ADAP1: variants seen among roughly 807,000 people sequenced by gnomAD.
ADAP1 encodes ArfGAP with dual PH domains 1, also known as arf-GAP with dual PH domain-containing protein 1.
ADAP1 carries 31 observed loss-of-function variants against 54.9 expected under a neutral mutation model. The observed-to-expected ratio is 0.56, with a 90% confidence interval of 0.42 to 0.76. The LOEUF (loss-of-function observed/expected upper bound fraction) is 0.76. Ranked by LOEUF, ADAP1 falls within the 30% of genes least tolerant of loss-of-function variation. The pLI is 0.00. For missense variants in ADAP1, 535 were observed against 512.4 expected (o/e 1.04, Z -0.42); for synonymous variants, 313 against 202.6 (o/e 1.55, Z -4.63).
intron 7 of ADAP1, 90 bp from the exon 8 acceptor site, chr7:900,254 C>G: frequency 1.3e-6 from 2 of 1,513,436 alleles, no homozygotes; most frequent in Admixed American, 3.4e-5. Flanking sequence ...TCCCCTCACC[C>G]CGGGCCACCA....
At chr7:906,056 GGAGAAAGGGAGAAA>G (rs1202607667) in intron 4 of ADAP1, among the ~76,000 whole-genome samples, 2 of 22,640 alleles carry the variant, frequency 8.8e-5, no homozygotes, top group African/African-American at 4.0e-4. Context: ...AAAGGAGAAA[GGAGAAAGGGAGAAA>G]GGAGAAAGGG....
In ADAP1 at chr7:904,286, G is replaced by C. The variant is rs1240072042; in HGVS notation, c.502-14C>G. The C allele has an allele frequency of 1.3e-6, 2 of 1,565,570 alleles. No individual in the cohort carries two copies. The highest frequency in any genetic ancestry group is 1.4e-5 in the African/African-American group (1 of 73,188). On this transcript the variant is annotated splice_polypyrimidine_tract_variant and intron_variant, in intron 5 of 10. Coordinates refer to ENST00000265846, the MANE Select transcript of ADAP1 (RefSeq NM_006869.4). ...GGGCTCCTTGGCCTGAGAAGGGGTG[G>C]GGTCTAAGCACCTCACAGGGGCCGT...
At chr7:918,503 G>A (rs893931472) in intron 4 of ADAP1, among the ~76,000 whole-genome samples, 7 of 152,132 alleles carry the variant, frequency 4.6e-5, no homozygotes, top group Admixed American at 2.0e-4. Context: ...CACGGCTCCC[G>A]ACCTCGTGTT....
intron 4 of ADAP1, among the ~76,000 whole-genome samples, chr7:919,343 G>C (rs1384869749): frequency 6.6e-6 from 1 of 152,160 alleles, no homozygotes; most frequent in South Asian, 2.1e-4. Flanking sequence ...CAGCAGAGGA[G>C]GGGCCAGCCA....
chr7:910,528 C>T (rs1452964797), intron 4 of ADAP1, among the ~76,000 whole-genome samples: 6 of 152,192 alleles, frequency 3.9e-5, no homozygotes, highest in Admixed American at 2.0e-4. Context: ...GGGGTTGCAG[C>T]GTGAGCCCCA....
chr7:927,235 G>A (rs979211472), intron 2 of ADAP1: 4 of 1,265,412 alleles, frequency 3.2e-6, no homozygotes, highest in Non-Finnish European at 4.1e-6. Flanking sequence ...TGAAGGAGGG[G>A]AGGTGCTGCA....
intron 4 of ADAP1, among the ~76,000 whole-genome samples, chr7:914,898 G>T (rs928980919): frequency 6.6e-6 from 1 of 151,984 alleles, no homozygotes; most frequent in Non-Finnish European, 1.5e-5. Flanking sequence ...TAGAGGGGAG[G>T]CTTCAAGGAG....
rs183556518 is a variant in ADAP1 at position 926,027 on chromosome 7, T to C, written c.305+526A>G. The stretch of plus-strand genomic sequence containing the variant: ...CCACCGTCCGGGCAGATGGGGAGAC[T>C]GAGGCTTGGAGGGGCGGGTGTTGGT... On this transcript the variant is annotated intron_variant, in intron 3 of 10. Transcript: ENST00000265846. The surrounding 1 kb of genome is among the most constrained non-coding windows in gnomAD (Gnocchi z 4.6). Among the ~76,000 whole-genome samples the C allele has an allele frequency of 6.6e-6, 1 of 152,234 alleles. No homozygotes were observed. Among genetic ancestry groups the C allele is most frequent in the Non-Finnish European group, 1.5e-5 (1 of 67,998 alleles).
chr7:923,855 G>A (rs1280785692), intron 3 of ADAP1, among the ~76,000 whole-genome samples: 3 of 152,158 alleles, frequency 2.0e-5, no homozygotes, highest in Admixed American at 1.3e-4. Flanking sequence ...CAGGCTGCAC[G>A]GAGGCCGTGG....
chr7:907,253 A>T (rs895651255), intron 4 of ADAP1, among the ~76,000 whole-genome samples: 1 of 152,092 alleles, frequency 6.6e-6, no homozygotes, highest in African/African-American at 2.4e-5. Flanking sequence ...TCTATGGCAA[A>T]ACACACCGTG....
In ADAP1 at chr7:954,503, T is replaced by TGCCGGG. The variant is rs964712513; in HGVS notation, c.-32_-27dup. ...GGCCGCGATGCGCCCGCGATGCCGA[T>TGCCGGG]GCCGGGGCCGGGGCCGGGAGCGTCA... On this transcript the variant is annotated 5_prime_UTR_variant, in exon 1 of 11. Transcript: ENST00000265846. The TGCCGGG allele has an allele frequency of 8.9e-6, 9 of 1,013,218 alleles. No individual in the cohort carries two copies. In the South Asian group the frequency reaches 1.7e-4, roughly 19 times the overall value. The allele number at this position is 1,013,218 out of a possible 1,614,324, so 62.8% of individuals were successfully genotyped here.
chr7:914,602 C>T (rs76794118), intron 4 of ADAP1, among the ~76,000 whole-genome samples: 3,053 of 152,202 alleles, frequency 0.02, 82 homozygotes, highest in East Asian at 0.12. Flanking sequence ...TGAGGTCTAA[C>T]CCTGAGCACC....
intron 3 of ADAP1, among the ~76,000 whole-genome samples, chr7:925,201 C>T (rs1308615418): frequency 2.0e-5 from 3 of 151,934 alleles, no homozygotes; most frequent in Non-Finnish European, 4.4e-5. Context: ...CTGAGTCGCT[C>T]GTGGCCTGAA....
Position 906,713 on chromosome 7 carries a change from AC to A in ADAP1, c.389-1542del, listed in dbSNP as rs1562915385. ...GGGGGACATGGACATGGGGGACGGG[AC>A]ATCGGGGACGGGACATGGGGGACAG... is the stretch of plus-strand genomic sequence containing the variant. On this transcript the variant is annotated intron_variant, in intron 4 of 10. Coordinates refer to ENST00000265846, the MANE Select transcript of ADAP1 (RefSeq NM_006869.4). Among the ~76,000 whole-genome samples the A allele has an allele frequency of 0.018, 388 of 21,422 alleles. 24 individuals are homozygous for A. The East Asian group carries it at 0.19, about 10-fold the overall frequency. The allele number at this position is 21,422 out of a possible 152,430, so 14.1% of individuals were successfully genotyped here. A position where few individuals can be genotyped will look rare whatever the true frequency, so the allele number is the denominator to read the frequency against.
chr7:947,357 T>C (rs1847167058), intron 1 of ADAP1, among the ~76,000 whole-genome samples: 1 of 151,700 alleles, frequency 6.6e-6, no homozygotes, highest in African/African-American at 2.4e-5. Flanking sequence ...GCGCCTGACC[T>C]TGATTTTTTA....
chr7:954,617 A>C lies in ADAP1; in HGVS notation c.-140T>G. The C allele has an allele frequency of 7.1e-6, 7 of 980,822 alleles. No homozygotes were observed. The highest frequency in any genetic ancestry group is 8.4e-6 in the Non-Finnish European group (7 of 828,628). 60.8% of individuals were successfully genotyped at this position (980,822 alleles called of 1,614,324 possible). A position where few individuals can be genotyped will look rare whatever the true frequency, so the allele number is the denominator to read the frequency against. On this transcript the variant is annotated 5_prime_UTR_variant, in exon 1 of 11. The change abolishes an upstream ATG in the 5' untranslated region. Transcript: ENST00000265846. ...GCCTCAGCCCGCGCGCCGGTTCCGCATTCCCGCCGCCCTCTGGGCTCCGCC... is the reference window on the plus strand; with the variant it reads ...GCCTCAGCCCGCGCGCCGGTTCCGCCTTCCCGCCGCCCTCTGGGCTCCGCC...
chr7:919,260 T>C (rs1846062474), intron 4 of ADAP1, among the ~76,000 whole-genome samples: 1 of 152,140 alleles, frequency 6.6e-6, no homozygotes, highest in Non-Finnish European at 1.5e-5. Context: ...ACCCGGGCCT[T>C]CAGGTCCTGC....
chr7:910,596 T>C (rs925416511), intron 4 of ADAP1, among the ~76,000 whole-genome samples: 1 of 152,184 alleles, frequency 6.6e-6, no homozygotes, highest in Non-Finnish European at 1.5e-5. Context: ...GCACTCTAAA[T>C]AGGATATGCA....
chr7:909,929 T>C (rs1845652398), intron 4 of ADAP1, among the ~76,000 whole-genome samples: 1 of 152,198 alleles, frequency 6.6e-6, no homozygotes, highest in Non-Finnish European at 1.5e-5. Context: ...TTGTCCCACC[T>C]GTGGGGAGCT....
Sources: gnomAD v4.1 joint callset for allele counts (sites outside exome capture counted in the v4.1 genomes callset) on GRCh38, gnomAD v4.1.1 for gene constraint, Gnocchi (gnomAD v3.1) non-coding constraint, MANE v1.5 for transcripts, NCBI Gene and HGNC (gene_info 2026-07-23, HGNC 2026-07-21) for gene names.